Variants in RORA observed in about 807,000 individuals in gnomAD.
RORA encodes the protein RAR related orphan receptor A.
Under a neutral mutation model 69.5 loss-of-function variants are expected in RORA, and 7 were observed. That is an observed-to-expected ratio of 0.10 (90% confidence interval 0.06 to 0.19). The LOEUF is 0.19. RORA is among the 10% of genes least tolerant of loss of function. RORA has a pLI of 1.00. For synonymous variants in RORA, 261 were observed against 240.8 expected (o/e 1.08, Z -0.78); for missense variants, 457 against 663.0 (o/e 0.69, Z 3.41).
intron 1 of RORA, among the ~76,000 whole-genome samples, chr15:61,090,226 T>C (rs1043102889): frequency 1.3e-5 from 2 of 152,210 alleles, no homozygotes; most frequent in Non-Finnish European, 2.9e-5. Context: ...TCAGGCTGCA[T>C]GAATCACTTT....
At chr15:60,834,158 G>A (rs1156767511) in intron 1 of RORA, among the ~76,000 whole-genome samples, 1 of 152,188 alleles carries the variant, frequency 6.6e-6, no homozygotes, top group African/African-American at 2.4e-5. Context: ...GCATAGAAAA[G>A]TCTCTGCCTG....
intron 1 of RORA, among the ~76,000 whole-genome samples, chr15:61,081,860 T>G (rs1220756847): frequency 6.6e-6 from 1 of 150,656 alleles, no homozygotes; most frequent in African/African-American, 2.4e-5. Flanking sequence ...ATACAGCAAG[T>G]GCTAGACACC....
At chr15:60,722,665 A>T (rs2071308500) in intron 1 of RORA, among the ~76,000 whole-genome samples, 1 of 152,110 alleles carries the variant, frequency 6.6e-6, no homozygotes, top group African/African-American at 2.4e-5. Flanking sequence ...TGTTGCCCTG[A>T]TCTGTGCTCC....
intron 1 of RORA, among the ~76,000 whole-genome samples, chr15:61,216,109 A>G (rs1169779497): frequency 6.6e-6 from 1 of 152,064 alleles, no homozygotes; most frequent in Non-Finnish European, 1.5e-5. Context: ...CTATGCCTCT[A>G]CTCCTTGAAT....
intron 1 of RORA, among the ~76,000 whole-genome samples, chr15:61,124,991 G>A (rs997745213): frequency 2.0e-5 from 3 of 151,950 alleles, no homozygotes; most frequent in South Asian, 2.1e-4. Context: ...CTGCAAAAAC[G>A]CAAAAGAAAA....
intron 1 of RORA, among the ~76,000 whole-genome samples, chr15:61,100,484 G>C (rs2078863469): frequency 6.6e-6 from 1 of 152,204 alleles, no homozygotes; most frequent in African/African-American, 2.4e-5. Flanking sequence ...TGGAAGAACA[G>C]GCTGTACATG....
At chr15:60,731,941 T>C (rs765128738) in intron 1 of RORA, among the ~76,000 whole-genome samples, 2 of 152,196 alleles carry the variant, frequency 1.3e-5, no homozygotes, top group Non-Finnish European at 2.9e-5. Context: ...GAGGTCTCTA[T>C]TAGCTAATGA....
intron 2 of RORA, among the ~76,000 whole-genome samples, chr15:60,582,885 G>A (rs1210043562): frequency 6.6e-6 from 1 of 152,154 alleles, no homozygotes; most frequent in African/African-American, 2.4e-5. Context: ...GAGGCCATAA[G>A]CATTTCTAAA....
intron 2 of RORA, among the ~76,000 whole-genome samples, chr15:60,539,535 GT>G (rs1286680179): frequency 1.3e-5 from 2 of 152,172 alleles, no homozygotes; most frequent in Non-Finnish European, 2.9e-5. Context: ...TGCACAAACT[GT>G]TTAAGGCAGT....
intron 1 of RORA, among the ~76,000 whole-genome samples, chr15:61,062,202 C>A (rs543580406): frequency 6.6e-6 from 1 of 152,178 alleles, no homozygotes; most frequent in Admixed American, 6.5e-5. Flanking sequence ...AGGCCTTGTC[C>A]CCACACAGGG....
At chr15:60,548,070 T>G (rs2067126884) in intron 2 of RORA, 1 of 152,194 alleles carries the variant, frequency 6.6e-6, no homozygotes, top group Non-Finnish European at 1.5e-5. Context: ...GAAAATACGC[T>G]TTCTGAAGTC....
chr15:60,898,519 A>C (rs148900256), intron 1 of RORA, among the ~76,000 whole-genome samples: 9 of 149,830 alleles, frequency 6.0e-5, no homozygotes, highest in African/African-American at 7.4e-5. Flanking sequence ...AAATAAATAA[A>C]TAAATAAATA....
intron 1 of RORA, among the ~76,000 whole-genome samples, chr15:61,083,269 T>A (rs1199913770): frequency 6.6e-6 from 1 of 152,202 alleles, no homozygotes; most frequent in African/African-American, 2.4e-5. Flanking sequence ...CTGGCTTCAC[T>A]AATAGTGACC....
chr15:61,175,847 C>T (rs929162540), intron 1 of RORA, among the ~76,000 whole-genome samples: 1 of 152,126 alleles, frequency 6.6e-6, no homozygotes, highest in African/African-American at 2.4e-5. Context: ...GGCTTGTCTT[C>T]TTTCCTTAAG....
chr15:61,081,986 C>T (rs899538688), intron 1 of RORA, among the ~76,000 whole-genome samples: 15 of 152,070 alleles, frequency 9.9e-5, no homozygotes, highest in Non-Finnish European at 1.5e-4. Context: ...TTTAGGGTTT[C>T]GGCTTTACTA....
At chr15:61,099,629 C>T (rs1376474228) in intron 1 of RORA, among the ~76,000 whole-genome samples, 6 of 152,236 alleles carry the variant, frequency 3.9e-5, no homozygotes, top group South Asian at 2.1e-4. Flanking sequence ...TACCTCCTAC[C>T]GAAAAAACAA....
intron 2 of RORA, among the ~76,000 whole-genome samples, chr15:60,639,949 G>A (rs1372472091): frequency 6.6e-6 from 1 of 152,210 alleles, no homozygotes; most frequent in African/African-American, 2.4e-5. Flanking sequence ...TGTGCTCAGA[G>A]TTTCTCCCCT....
At chr15:60,713,311 C>T (rs962300740) in intron 1 of RORA, among the ~76,000 whole-genome samples, 4 of 152,124 alleles carry the variant, frequency 2.6e-5, no homozygotes, top group Non-Finnish European at 4.4e-5. Context: ...AATGGCTCCT[C>T]AGCTCCTCCT....
At chr15:61,001,640 TA>T (rs1320608634) in intron 1 of RORA, among the ~76,000 whole-genome samples, 17 of 152,134 alleles carry the variant, frequency 1.1e-4, no homozygotes, top group African/African-American at 4.1e-4. Flanking sequence ...TCCTAGACAC[TA>T]GGGATACAGT....
Sources: gnomAD v4.1 joint callset for allele counts (sites outside exome capture counted in the v4.1 genomes callset) on GRCh38, gnomAD v4.1.1 for gene constraint, MANE v1.5 for transcripts, NCBI Gene and HGNC (gene_info 2026-07-23, HGNC 2026-07-21) for gene names.